The following SLC25A29 variants were observed in gnomAD, a reference collection of about 807,000 sequenced individuals.
The protein encoded by SLC25A29 is mitochondrial basic amino acids transporter.
Under a neutral mutation model 10.0 loss-of-function variants are expected in SLC25A29, and 13 were observed. The observed-to-expected ratio is 1.30, with a 90% CI of 0.85 to 2.07. The LOEUF (loss-of-function observed/expected upper bound fraction) is 2.07. SLC25A29 is among the 30% of genes most tolerant of loss of function. SLC25A29 has a pLI of 0.00. For missense variants in SLC25A29, 475 were observed against 447.6 expected (o/e 1.06, Z -0.55); for synonymous variants, 244 against 221.1 (o/e 1.10, Z -0.92).
At position 100,293,313 on chromosome 14, in the gene SLC25A29, G is replaced by A. The variant is rs1210820750; in HGVS notation, c.143C>T (p.Ser48Phe). The change falls in exon 3 of 4, where the codon TCC becomes TTC. Residue 48 changes from serine to phenylalanine, a missense_variant. Coordinates refer to ENST00000359232, the MANE Select transcript of SLC25A29 (RefSeq NM_001039355.3). ...ACTCACGCTCTCTTGCTTGATGATG[G>A]ACTTGAAGCAGTGCAACGTCCCGCG... is the stretch of plus-strand genomic sequence containing the variant. ...QYRGTLHCFKSIIKQESVLGL... is the reference protein window; with the variant it reads ...QYRGTLHCFKFIIKQESVLGL... The A allele has an allele frequency of 6.2e-7, 1 of 1,613,392 alleles. No homozygotes were observed. The highest frequency in any genetic ancestry group is 8.5e-7 in the Non-Finnish European group (1 of 1,179,986).
chr14:100,296,285 T>G, intron 2 of SLC25A29: 1 of 310,362 alleles, frequency 3.2e-6, no homozygotes, highest in Non-Finnish European at 6.4e-6. Context: ...AAACATGAGC[T>G]AGGCATGGTG....
intron 1 of SLC25A29, 32 bp downstream of exon 1, chr14:100,306,167 C>T: frequency 1.4e-6 from 2 of 1,443,814 alleles, no homozygotes; most frequent in Non-Finnish European, 1.8e-6. Flanking sequence ...GGACGCCTCG[C>T]CCCGGCCCGG....
chr14:100,301,440 C>T (rs535498669), intron 1 of SLC25A29, among the ~76,000 whole-genome samples: 1 of 152,188 alleles, frequency 6.6e-6, no homozygotes, highest in Admixed American at 6.5e-5. Flanking sequence ...GCTGGGATTA[C>T]AGGCGTGAGC....
rs138747420 is a variant in SLC25A29 at position 100,298,719 on chromosome 14, G to A, written c.78+123C>T. ...AAAGCAGTGAGGAAGGTTCAACCCG[G>A]CCTGGTGTAAAAGCAGCTGCCCACC... On this transcript the variant is annotated intron_variant, in intron 2 of 3. Transcript: ENST00000359232. 5.5e-3 allele frequency: 6,790 copies of A among 1,237,676 alleles called. 37 individuals are homozygous for A. The highest frequency in any genetic ancestry group is 6.9e-3 in the Non-Finnish European group (5,808 of 839,380). The allele number at this position is 1,237,676 out of a possible 1,614,324, so 76.7% of individuals were successfully genotyped here. A position where few individuals can be genotyped will look rare whatever the true frequency, so the allele number is the denominator to read the frequency against.
In SLC25A29 at chr14:100,292,911, T is replaced by G. The variant is rs1891852817; in HGVS notation, c.284A>C (p.Gln95Pro). 6.2e-7 allele frequency: 1 copy of G among 1,608,602 alleles called. No individual in the cohort carries two copies. The highest frequency in any genetic ancestry group is 1.3e-5 in the African/African-American group (1 of 74,978). Residue 95 changes from glutamine (Q) to proline (P), a missense_variant, in exon 4 of 4, where the codon CAG (glutamine) becomes CCG (proline). Transcript: ENST00000359232. ...GCCCGCCGCCGCACCTGCCAGGAAC[T>G]GGTTGAGGGGCGAGTCGTGGCCCAG... is the stretch of plus-strand genomic sequence containing the variant. ...RALGHDSPLN[Q>P]FLAGAAAGAI...
At position 100,292,662 on chromosome 14, in the gene SLC25A29, G is replaced by T; in HGVS notation, c.533C>A (p.Ala178Glu). 6.3e-7 allele frequency: 1 copy of T among 1,598,968 alleles called. No homozygotes were observed. Among genetic ancestry groups the T allele is most frequent in the Non-Finnish European group, 8.5e-7 (1 of 1,174,582 alleles). ...GCGGTCGCCCGGCTCGCAGCCCAGC[G>T]CCCGCGTGAGAGCGTCATAGGTGAG... ...YFLTYDALTR[A>E]LGCEPGDRLL... The change falls in exon 4 of 4, where the codon GCG (alanine) becomes GAG (glutamate). Residue 178 changes from alanine to glutamate, a missense_variant. Transcript: ENST00000359232.
chr14:100,284,885 C>A, the SLC25A29 span, among the ~76,000 whole-genome samples: 2 of 152,082 alleles, frequency 1.3e-5, no homozygotes, highest in African/African-American at 4.8e-5. Flanking sequence ...ACTAAAAATA[C>A]AAAATTAGCC....
chr14:100,282,441 C>G, the SLC25A29 span: 1 of 152,188 alleles, frequency 6.6e-6, no homozygotes, highest in Non-Finnish European at 1.5e-5. Context: ...GGAACAACCT[C>G]TTTTTTCTAC....
At chr14:100,286,940 C>A (rs1346271851), downstream of SLC25A29, among the ~76,000 whole-genome samples, 2 of 152,214 alleles carry the variant, frequency 1.3e-5, no homozygotes, top group Non-Finnish European at 2.9e-5. Context: ...TGGACAGGGA[C>A]CCTCCCCAAC....
the SLC25A29 span, among the ~76,000 whole-genome samples, chr14:100,285,773 T>A: frequency 1.7e-4 from 26 of 152,034 alleles, no homozygotes; most frequent in Admixed American, 5.2e-4. Context: ...AGGGGCCACA[T>A]ACCAGGGGGC....
At chr14:100,278,647 T>C in the SLC25A29 span, 1 of 152,232 alleles carries the variant, frequency 6.6e-6, no homozygotes, top group Non-Finnish European at 1.5e-5. Context: ...TTTTAATACT[T>C]CCTACATGTC....
chr14:100,287,007 A>G (rs951290430), downstream of SLC25A29, among the ~76,000 whole-genome samples: 2 of 152,212 alleles, frequency 1.3e-5, no homozygotes, highest in African/African-American at 2.4e-5. Context: ...GGCTGTTGGG[A>G]GAATGAAGGG....
the SLC25A29 span, chr14:100,280,919 AAAG>A: frequency 2.0e-5 from 3 of 152,094 alleles, no homozygotes; most frequent in Non-Finnish European, 2.9e-5. Flanking sequence ...GGCCCCCTAA[AAAG>A]AAGTTTTGGA....
chr14:100,297,280 T>A (rs1249104628), intron 2 of SLC25A29, among the ~76,000 whole-genome samples: 7 of 152,196 alleles, frequency 4.6e-5, no homozygotes, highest in Non-Finnish European at 7.3e-5. Flanking sequence ...TCTCATGGGC[T>A]GGAGAAACTC....
chr14:100,306,320 C>T lies in SLC25A29; in HGVS notation c.-88G>A. 1 of 1,261,932 alleles carries T rather than the reference C, an allele frequency of 7.9e-7. No homozygotes were observed. The highest frequency in any genetic ancestry group is 1.0e-6 in the Non-Finnish European group (1 of 998,008). 78.2% of individuals were successfully genotyped at this position (1,261,932 alleles called of 1,614,324 possible). On this transcript the variant is annotated 5_prime_UTR_variant, in exon 1 of 4. Coordinates refer to ENST00000359232, the MANE Select transcript of SLC25A29 (RefSeq NM_001039355.3). ...TGGGCGCCGTCGGGGTCCCCGAGCG[C>T]GCGGTGCCGGGGCTGGGCCTGGCCG...
downstream of SLC25A29, among the ~76,000 whole-genome samples, chr14:100,289,918 T>C (rs950165453): frequency 1.3e-5 from 2 of 151,354 alleles, no homozygotes; most frequent in African/African-American, 2.4e-5. Context: ...CTCTACTCCC[T>C]GCCTGGCAGA....
rs1892961391 is a variant in SLC25A29 at position 100,306,426 on chromosome 14, C to G, written c.-194G>C. The G allele has an allele frequency of 2.5e-6, 1 of 405,948 alleles. No individual in the cohort carries two copies. Among genetic ancestry groups the G allele is most frequent in the Middle Eastern group, 6.8e-4 (1 of 1,464 alleles). The allele number at this position is 405,948 out of a possible 1,614,324, so 25.1% of individuals were successfully genotyped here. A position where few individuals can be genotyped will look rare whatever the true frequency, so the allele number is the denominator to read the frequency against. ...AGCAGCTAGACCCGCGCTGGTCCCT[C>G]GGCGGCAGCTGACTCGCTGGATCCC... On this transcript the variant is annotated 5_prime_UTR_variant, in exon 1 of 4. Coordinates refer to ENST00000359232, the MANE Select transcript of SLC25A29 (RefSeq NM_001039355.3).
chr14:100,279,938 G>C, the SLC25A29 span: 1 of 152,294 alleles, frequency 6.6e-6, no homozygotes, highest in South Asian at 2.1e-4. Flanking sequence ...TCTGTGCCTT[G>C]ATCCCTTGGG....
the SLC25A29 span, among the ~76,000 whole-genome samples, chr14:100,283,065 C>T: frequency 6.6e-6 from 1 of 152,234 alleles, no homozygotes; most frequent in East Asian, 1.9e-4. Context: ...TCAGAAAGCA[C>T]AGCCCAGTGA....
Sources: gnomAD v4.1 joint callset for allele counts (sites outside exome capture counted in the v4.1 genomes callset) on GRCh38, gnomAD v4.1.1 for gene constraint, MANE v1.5 for transcripts, NCBI Gene and HGNC (gene_info 2026-07-23, HGNC 2026-07-21) for gene names.